The following CSGALNACT1 variants were observed in gnomAD, a reference collection of about 807,000 sequenced individuals.
CSGALNACT1 encodes chondroitin sulfate N-acetylgalactosaminyltransferase 1, also known as beta4GalNAcT-1.
Under a neutral mutation model 51.0 loss-of-function variants are expected in CSGALNACT1, and 52 were observed. That is an observed-to-expected ratio of 1.02 (90% confidence interval 0.82 to 1.29). The LOEUF (loss-of-function observed/expected upper bound fraction) is 1.29. CSGALNACT1 is among the 50% of genes most tolerant of loss of function. CSGALNACT1 has a pLI of 0.00. For synonymous variants in CSGALNACT1, 341 were observed against 254.4 expected (o/e 1.34, Z -3.24); for missense variants, 935 against 679.2 (o/e 1.38, Z -4.19).
At chr8:19,449,914 TA>T (rs1431178888) in intron 5 of CSGALNACT1, among the ~76,000 whole-genome samples, 4 of 151,554 alleles carry the variant, frequency 2.6e-5, no homozygotes, top group African/African-American at 9.7e-5. Flanking sequence ...ATAGCTTTGT[TA>T]TTATGAAGTT....
At chr8:19,707,799 G>A (rs933366905) in intron 1 of CSGALNACT1, among the ~76,000 whole-genome samples, 2 of 151,988 alleles carry the variant, frequency 1.3e-5, no homozygotes, top group Non-Finnish European at 2.9e-5. Context: ...TCAGGAGATC[G>A]AGATCAGCCT....
intron 1 of CSGALNACT1, among the ~76,000 whole-genome samples, chr8:19,702,043 G>A (rs2061909263): frequency 6.6e-6 from 1 of 152,112 alleles, no homozygotes; most frequent in Admixed American, 6.5e-5. Context: ...ACATTTGATT[G>A]GCTTCATAAG....
chr8:19,489,655 C>A (rs373868132), intron 4 of CSGALNACT1, among the ~76,000 whole-genome samples: 5 of 152,206 alleles, frequency 3.3e-5, no homozygotes, highest in African/African-American at 4.8e-5. Flanking sequence ...TCGACAATCA[C>A]AGGACACAAA....
chr8:19,635,368 C>T (rs2055893676), intron 1 of CSGALNACT1, among the ~76,000 whole-genome samples: 2 of 152,188 alleles, frequency 1.3e-5, no homozygotes, highest in African/African-American at 4.8e-5. Context: ...ATGTGTGTTG[C>T]CCTCACTTTA....
intron 1 of CSGALNACT1, among the ~76,000 whole-genome samples, chr8:19,677,164 A>G (rs181729533): frequency 6.6e-6 from 1 of 152,052 alleles, no homozygotes; most frequent in Non-Finnish European, 1.5e-5. Context: ...GATGGAATAC[A>G]GTCTTATAAT....
At chr8:19,754,505 A>G (rs2065235472) in intron 1 of CSGALNACT1, among the ~76,000 whole-genome samples, 1 of 152,220 alleles carries the variant, frequency 6.6e-6, no homozygotes, top group African/African-American at 2.4e-5. Context: ...GATGAAAACC[A>G]TATACATATA....
intron 1 of CSGALNACT1, among the ~76,000 whole-genome samples, chr8:19,620,260 A>G (rs1488699478): frequency 2.1e-5 from 3 of 140,364 alleles, no homozygotes; most frequent in African/African-American, 7.9e-5. Context: ...GGTTGCAGTT[A>G]GCCAAGATTG....
chr8:19,669,081 G>C (rs868036892), intron 1 of CSGALNACT1, among the ~76,000 whole-genome samples: 2 of 152,146 alleles, frequency 1.3e-5, no homozygotes, highest in African/African-American at 4.8e-5. Flanking sequence ...AGATACAGCA[G>C]GCTTCTTGGA....
At position 19,654,455 on chromosome 8, in the gene CSGALNACT1, TC is replaced by T. The variant is rs1485682760; in HGVS notation, c.-544+28017del. Among the ~76,000 whole-genome samples the T allele has an allele frequency of 3.9e-5, 6 of 152,286 alleles. No homozygotes were observed. In the South Asian group the frequency reaches 1.2e-3, roughly 32 times the overall value. ...AAATCCAGATCACAGCAGCCCCAACTCCTTAATGGTTGAGTGACCAGGATAA... is the reference window on the plus strand; with the variant it reads ...AAATCCAGATCACAGCAGCCCCAACTCTTAATGGTTGAGTGACCAGGATAA... On this transcript the variant is annotated intron_variant, in intron 1 of 9. Transcript: ENST00000332246.
intron 4 of CSGALNACT1, among the ~76,000 whole-genome samples, chr8:19,476,363 C>A (rs1350605169): frequency 6.6e-6 from 1 of 152,030 alleles, no homozygotes; most frequent in Non-Finnish European, 1.5e-5. Flanking sequence ...CTCAGCCTCC[C>A]CCAAGTAGCT....
At chr8:19,711,411 C>A (rs1285609440) in intron 1 of CSGALNACT1, among the ~76,000 whole-genome samples, 1 of 152,098 alleles carries the variant, frequency 6.6e-6, no homozygotes, top group African/African-American at 2.4e-5. Flanking sequence ...AGACAATTCA[C>A]TTTGGTGATG....
intron 3 of CSGALNACT1, among the ~76,000 whole-genome samples, chr8:19,517,861 G>A (rs964451706): frequency 3.4e-5 from 5 of 145,562 alleles, no homozygotes; most frequent in Non-Finnish European, 7.3e-5. Context: ...AGATTTGGGT[G>A]GAGACACAGC....
intron 4 of CSGALNACT1, among the ~76,000 whole-genome samples, chr8:19,476,617 G>A (rs910265336): frequency 6.6e-6 from 1 of 152,160 alleles, no homozygotes; most frequent in Non-Finnish European, 1.5e-5. Context: ...AATCACAGGG[G>A]CCTATAACTG....
intron 3 of CSGALNACT1, among the ~76,000 whole-genome samples, chr8:19,509,269 T>A (rs1363928716): frequency 6.6e-6 from 1 of 152,168 alleles, no homozygotes; most frequent in African/African-American, 2.4e-5. Context: ...CCCTTCGGAT[T>A]CTTGCTTCTG....
At chr8:19,700,869 A>T (rs1228457144) in intron 1 of CSGALNACT1, among the ~76,000 whole-genome samples, 1 of 152,134 alleles carries the variant, frequency 6.6e-6, no homozygotes, top group African/African-American at 2.4e-5. Context: ...CCTTTCTCTT[A>T]GTAACAGAAC....
At chr8:19,612,946 G>GAAAAAAA (rs1165754811) in intron 1 of CSGALNACT1, among the ~76,000 whole-genome samples, 186 of 15,440 alleles carry the variant, frequency 0.012, 62 homozygotes, top group Non-Finnish European at 0.017. Context: ...AAAGCAGCTG[G>GAAAAAAA]AAAAAAAAAA....
At chr8:19,540,326 A>G (rs781178669) in intron 3 of CSGALNACT1, among the ~76,000 whole-genome samples, 1 of 152,204 alleles carries the variant, frequency 6.6e-6, no homozygotes, top group Non-Finnish European at 1.5e-5. Flanking sequence ...CATGGAAAAC[A>G]GTATTTATTC....
chr8:19,505,105 G>C (rs1713608328), intron 4 of CSGALNACT1, 96 bp downstream of exon 3: 1 of 1,383,328 alleles, frequency 7.2e-7, no homozygotes, highest in African/African-American at 1.4e-5. Context: ...CCATCCCAGA[G>C]CCAGCTGCCA....
At chr8:19,725,041 C>T (rs1265038973) in intron 1 of CSGALNACT1, among the ~76,000 whole-genome samples, 1 of 152,234 alleles carries the variant, frequency 6.6e-6, no homozygotes, top group Non-Finnish European at 1.5e-5. Context: ...AACCTTGCTC[C>T]TGCCCATGCC....
Sources: allele counts gnomAD v4.1 joint callset (sites outside exome capture counted in the v4.1 genomes callset), GRCh38; gene constraint gnomAD v4.1.1; transcripts MANE v1.5; gene names NCBI Gene and HGNC (gene_info 2026-07-23, HGNC 2026-07-21).